Variants in ZFPM2 observed in about 807,000 individuals in gnomAD.
ZFPM2 encodes zinc finger protein, FOG family member 2.
Under a neutral mutation model 98.6 loss-of-function variants are expected in ZFPM2, and 20 were observed. That is an observed-to-expected ratio of 0.20 (90% CI 0.14 to 0.29). The LOEUF is 0.29. Ranked by LOEUF, ZFPM2 falls within the 10% of genes least tolerant of loss-of-function variation. ZFPM2 has a pLI of 1.00. For synonymous variants in ZFPM2, 518 were observed against 502.7 expected (o/e 1.03, Z -0.41); for missense variants, 1,310 against 1,388.6 (o/e 0.94, Z 0.90).
At position 105,446,182 on chromosome 8, in the gene ZFPM2, A is replaced by C. The variant is rs192714133; in HGVS notation, c.301+1801A>C. ...TGATCCTCCCGCCTTGGCCTCCCAA[A>C]GTGCTGGGATTACAGGCGTGAGCTA... On this transcript the variant is annotated intron_variant, in intron 3 of 7. Transcript: ENST00000407775. 6.4e-3 allele frequency among the ~76,000 whole-genome samples: 982 copies of C among 152,278 alleles called. 10 individuals carry two copies. The highest frequency in any genetic ancestry group is 0.022 in the African/African-American group (935 of 41,558).
At chr8:105,694,336 T>C (rs1033468286) in intron 5 of ZFPM2, among the ~76,000 whole-genome samples, 1 of 151,988 alleles carries the variant, frequency 6.6e-6, no homozygotes, top group African/African-American at 2.4e-5. Context: ...TCAAATAGAG[T>C]TTTCTGTTTT....
Position 105,801,300 on chromosome 8 carries a change from C to T in ZFPM2, c.1218C>T (p.Asp406=), listed in dbSNP as rs377293678. ...AACACTCTCCAAGTGCAACTGAAGA[C>T]AGCTTACAGCCAGCCACAGACTTAT... ...DMEHSPSATE[D]SLQPATDLLT... Residue 406 remains aspartate, a synonymous_variant, in exon 8 of 8, where the codon GAC becomes GAT. Coordinates refer to ENST00000407775, the MANE Select transcript of ZFPM2 (RefSeq NM_012082.4). 3.7e-6 allele frequency: 6 copies of T among 1,613,816 alleles called. No homozygotes were observed. In the African/African-American group the frequency reaches 8.0e-5, roughly 22 times the overall value.
At chr8:105,607,734 G>T (rs893959644) in intron 4 of ZFPM2, among the ~76,000 whole-genome samples, 6 of 152,016 alleles carry the variant, frequency 3.9e-5, no homozygotes, top group Non-Finnish European at 7.4e-5. Context: ...TCTCCTGTGT[G>T]TTCCTGAATT....
chr8:105,378,664 A>G (rs1255868817), intron 1 of ZFPM2, among the ~76,000 whole-genome samples: 1 of 152,220 alleles, frequency 6.6e-6, no homozygotes, highest in African/African-American at 2.4e-5. Context: ...TGAAACTACA[A>G]GAGCATCCTC....
At chr8:105,396,905 G>A (rs1222548103) in intron 1 of ZFPM2, among the ~76,000 whole-genome samples, 3 of 152,054 alleles carry the variant, frequency 2.0e-5, no homozygotes, top group Non-Finnish European at 2.9e-5. Flanking sequence ...TTAATTATGC[G>A]ACTTTTATAT....
intron 1 of ZFPM2, among the ~76,000 whole-genome samples, chr8:105,330,456 T>G (rs1355974129): frequency 6.7e-6 from 1 of 149,464 alleles, no homozygotes; most frequent in Non-Finnish European, 1.5e-5. Flanking sequence ...TAGTAATAGG[T>G]CCAAGAAAAG....
At position 105,626,126 on chromosome 8, in the gene ZFPM2, C is replaced by A. The variant is rs139253344; in HGVS notation, c.421-8120C>A. On this transcript the variant is annotated intron_variant, in intron 4 of 7. Coordinates refer to ENST00000407775, the MANE Select transcript of ZFPM2 (RefSeq NM_012082.4). ...TTACTAAATGACATTTACTAAAAAG[C>A]ACTATTTTGTTGGGTGGAACTTATC... Among the ~76,000 whole-genome samples, 14 of 152,212 alleles carry A rather than the reference C, an allele frequency of 9.2e-5. No homozygotes were observed. The East Asian group carries it at 2.7e-3, about 29-fold the overall frequency.
At chr8:105,654,571 T>G (rs1490742299) in intron 5 of ZFPM2, among the ~76,000 whole-genome samples, 1 of 117,118 alleles carries the variant, frequency 8.5e-6, no homozygotes. Flanking sequence ...TCTTTTTTTC[T>G]ATCCTTTTTT....
chr8:105,545,916 G>A (rs1170313440), intron 3 of ZFPM2, among the ~76,000 whole-genome samples: 2 of 152,146 alleles, frequency 1.3e-5, no homozygotes, highest in Non-Finnish European at 2.9e-5. Context: ...GATAATGTCA[G>A]TGGAGCAGTT....
At chr8:105,354,759 C>T (rs1812709055) in intron 1 of ZFPM2, among the ~76,000 whole-genome samples, 1 of 152,118 alleles carries the variant, frequency 6.6e-6, no homozygotes, top group African/African-American at 2.4e-5. Context: ...TCGAGACCAT[C>T]TTGGCTAACA....
At chr8:105,509,256 G>A (rs993142648) in intron 3 of ZFPM2, among the ~76,000 whole-genome samples, 2 of 152,158 alleles carry the variant, frequency 1.3e-5, no homozygotes, top group African/African-American at 4.8e-5. Flanking sequence ...ATGTTTTACA[G>A]GTTGACAGCA....
chr8:105,627,815 A>G (rs1816686476), intron 4 of ZFPM2, among the ~76,000 whole-genome samples: 1 of 152,146 alleles, frequency 6.6e-6, no homozygotes, highest in Non-Finnish European at 1.5e-5. Flanking sequence ...CTTCAATTTC[A>G]CTGGTCAAGC....
intron 4 of ZFPM2, among the ~76,000 whole-genome samples, chr8:105,627,134 C>T (rs1816673945): frequency 6.6e-6 from 1 of 152,166 alleles, no homozygotes; most frequent in South Asian, 2.1e-4. Flanking sequence ...CGACTTTTAT[C>T]TCCATTAACC....
At chr8:105,748,795 A>G (rs1286293399) in intron 5 of ZFPM2, among the ~76,000 whole-genome samples, 3 of 152,100 alleles carry the variant, frequency 2.0e-5, no homozygotes, top group Non-Finnish European at 4.4e-5. Flanking sequence ...TCAAATGGAT[A>G]TAATATGCAT....
At chr8:105,461,155 A>G (rs1240843463) in intron 3 of ZFPM2, among the ~76,000 whole-genome samples, 2 of 152,166 alleles carry the variant, frequency 1.3e-5, no homozygotes, top group African/African-American at 4.8e-5. Flanking sequence ...CATGTCAATA[A>G]TTCATGATTA....
chr8:105,558,142 TATC>T (rs1442384752), intron 3 of ZFPM2, among the ~76,000 whole-genome samples: 4 of 152,300 alleles, frequency 2.6e-5, no homozygotes, highest in African/African-American at 7.2e-5. Context: ...AAAAATAAAA[TATC>T]ATACTCTTAA....
intron 1 of ZFPM2, among the ~76,000 whole-genome samples, chr8:105,389,910 G>T (rs1811075884): frequency 6.6e-6 from 1 of 152,144 alleles, no homozygotes; most frequent in African/African-American, 2.4e-5. Context: ...GTGCAGATTT[G>T]TCAGATTTAG....
rs1328983939 is a variant in ZFPM2 at position 105,369,319 on chromosome 8, A to G, written c.41-49825A>G. Among the ~76,000 whole-genome samples the G allele has an allele frequency of 3.9e-5, 6 of 152,192 alleles. No homozygotes were observed. In the South Asian group the frequency reaches 1.2e-3, roughly 31 times the overall value. On this transcript the variant is annotated intron_variant, in intron 1 of 7. Coordinates refer to ENST00000407775, the MANE Select transcript of ZFPM2 (RefSeq NM_012082.4). Reference sequence around the variant, plus strand: ...TTATTATGTTTTTATACTTTTAAGCATATCTAATATTGTAAGTTTTTGATG... The same window carrying G: ...TTATTATGTTTTTATACTTTTAAGCGTATCTAATATTGTAAGTTTTTGATG...
At chr8:105,447,143 T>C (rs1812390456) in intron 3 of ZFPM2, among the ~76,000 whole-genome samples, 1 of 152,110 alleles carries the variant, frequency 6.6e-6, no homozygotes, top group African/African-American at 2.4e-5. Context: ...CACATTGTTT[T>C]CCTGTCTTAA....
Sources: gnomAD v4.1 joint callset for allele counts (sites outside exome capture counted in the v4.1 genomes callset) on GRCh38, gnomAD v4.1.1 for gene constraint, MANE v1.5 for transcripts, NCBI Gene and HGNC (gene_info 2026-07-23, HGNC 2026-07-21) for gene names.